Variants in LMNA observed in about 807,000 individuals in gnomAD.
The protein encoded by LMNA is lamin A/C.
In LMNA, 20 loss-of-function variants were observed where a neutral mutation model predicts 70.4. The observed-to-expected ratio is 0.28, with a 90% CI of 0.20 to 0.41. The LOEUF is 0.41. LMNA is among the 10% of genes least tolerant of loss of function. LMNA has a pLI of 1.00. For missense variants in LMNA, 652 were observed against 917.2 expected (o/e 0.71, Z 3.73); for synonymous variants, 339 against 372.8 (o/e 0.91, Z 1.04).
chr1:156,120,929 T>C (rs1323099780), intron 1 of LMNA, among the ~76,000 whole-genome samples: 2 of 152,068 alleles, frequency 1.3e-5, no homozygotes, highest in Non-Finnish European at 2.9e-5. Flanking sequence ...AGCTGTGCCT[T>C]TTGGCAGACC....
At chr1:156,128,371 C>T (rs1435039972) in intron 1 of LMNA, among the ~76,000 whole-genome samples, 1 of 152,164 alleles carries the variant, frequency 6.6e-6, no homozygotes, top group African/African-American at 2.4e-5. Flanking sequence ...TCAGTGTCTG[C>T]CAGGCACTGG....
In LMNA at chr1:156,100,906, C is replaced by T. The variant is rs569460687; in HGVS notation, c.-207+10324C>T. On this transcript the variant is annotated intron_variant, in intron 3 of 12. Transcript: ENST00000368301. ...ACAGTGTGACAAGGGATACTGGTGG[C>T]GAGTGGGGACATTTAATCCAGACTT... is the stretch of plus-strand genomic sequence containing the variant. 9.9e-5 allele frequency among the ~76,000 whole-genome samples: 15 copies of T among 152,166 alleles called. No individual in the cohort carries two copies. The South Asian group carries it at 1.9e-3, about 19-fold the overall frequency.
intron 1 of LMNA, among the ~76,000 whole-genome samples, chr1:156,129,038 C>T (rs1356405673): frequency 6.6e-6 from 1 of 152,258 alleles, no homozygotes; most frequent in East Asian, 1.9e-4. Flanking sequence ...GGGGCTAGGC[C>T]GGATGGCAGC....
intron 1 of LMNA, chr1:156,126,774 AGCCCTTCTCGCCTCAAGAG>A: frequency 2.5e-6 from 4 of 1,593,386 alleles, no homozygotes; most frequent in Non-Finnish European, 3.4e-6. Context: ...CAGGATGCCC[AGCCCTTCTCGCCTCAAGAG>A]GCCACTGGGA....
intron 1 of LMNA, among the ~76,000 whole-genome samples, chr1:156,121,346 G>T (rs942055160): frequency 2.0e-5 from 3 of 151,984 alleles, no homozygotes; most frequent in Non-Finnish European, 2.9e-5. Flanking sequence ...CCAAATCCAC[G>T]TTCTGATTCA....
chr1:156,138,713 G>A lies in LMNA; in HGVS notation c.1924G>A (p.Val642Ile), dbSNP rs551309521. Residue 642 changes from valine to isoleucine, a missense_variant, in exon 11 of 12, where the codon GTC becomes ATC. Around this residue, in one of 4 missense-constraint regions of LMNA, gnomAD observed 327 missense variants for 387.6 expected, o/e 0.84. Transcript: ENST00000368300. This position sits in a 1 kb window ranked among gnomAD's most constrained non-coding sequence, Gnocchi z 5.5. ...SGGGSFGDNL[V>I]TRSYLLGNSS... Reference sequence around the variant, plus strand: ...GGGTGGCAGCTTCGGGGACAATCTGGTCACCCGCTCCTACCTCCTGGGCAA... The same window carrying A: ...GGGTGGCAGCTTCGGGGACAATCTGATCACCCGCTCCTACCTCCTGGGCAA... The A allele has an allele frequency of 6.2e-7, 1 of 1,613,388 alleles. No homozygotes were observed. Among genetic ancestry groups the A allele is most frequent in the African/African-American group, 1.3e-5 (1 of 74,960 alleles).
intron 2 of LMNA, among the ~76,000 whole-genome samples, chr1:156,086,397 T>TCA (rs1558104945): frequency 6.8e-6 from 1 of 147,640 alleles, no homozygotes; most frequent in Admixed American, 6.6e-5. Context: ...CCTCTGACTC[T>TCA]CTCTCTCTCT....
Position 156,121,411 on chromosome 1 carries a change from C to T in LMNA, c.356+6137C>T, listed in dbSNP as rs1650179447. Among the ~76,000 whole-genome samples the T allele has an allele frequency of 2.0e-5, 3 of 152,114 alleles. No homozygotes were observed. The South Asian group carries it at 6.2e-4, about 32-fold the overall frequency. The stretch of plus-strand genomic sequence containing the variant: ...TGGGGGGTGAGAAGTACTTAAAAAG[C>T]CCAAGAGAAACAAAAGAGAGAATAA... On this transcript the variant is annotated intron_variant, in intron 1 of 11. Transcript: ENST00000368300.
intron 3 of LMNA, among the ~76,000 whole-genome samples, chr1:156,101,959 T>G (rs1406760975): frequency 1.3e-5 from 2 of 151,074 alleles, no homozygotes; most frequent in Non-Finnish European, 3.0e-5. Context: ...ATCCAAGGAG[T>G]GATGATGAGT....
In LMNA at chr1:156,091,977, GC is replaced by G. The variant is rs554699487; in HGVS notation, c.-207+1396del. 8.2e-4 allele frequency among the ~76,000 whole-genome samples: 124 copies of G among 152,076 alleles called. 2 individuals carry two copies. The East Asian group carries it at 0.023, about 29-fold the overall frequency. On this transcript the variant is annotated intron_variant, in intron 3 of 12. Transcript: ENST00000368301. ...TTGTTGCCCAGGCTGGAGTGCAGTG[GC>G]ATGATTTTGGCTCACTGCAACCTCC...
chr1:156,098,985 A>G (rs900676139), intron 3 of LMNA, among the ~76,000 whole-genome samples: 8 of 152,230 alleles, frequency 5.3e-5, no homozygotes, highest in African/African-American at 1.4e-4. Flanking sequence ...TGGCTTTCTA[A>G]TCGGGCTTAA....
In LMNA at chr1:156,103,952, A is replaced by G. The variant is rs1457925398; in HGVS notation, c.-206-10761A>G. ...CGAACCCGGCCTCAGTTCCTGGGAC[A>G]TCCTGGCTCCATTCTTCAGCACACC... On this transcript the variant is annotated intron_variant, in intron 3 of 12. Transcript: ENST00000368301. This position sits in a 1 kb window ranked among gnomAD's most constrained non-coding sequence, Gnocchi z 4.7. Among the ~76,000 whole-genome samples, 1 of 152,094 alleles carries G rather than the reference A, an allele frequency of 6.6e-6. No individual in the cohort carries two copies. Among genetic ancestry groups the G allele is most frequent in the Admixed American group, 6.5e-5 (1 of 15,270 alleles).
upstream of LMNA, among the ~76,000 whole-genome samples, chr1:156,113,166 TG>T (rs1182946170): frequency 2.0e-5 from 3 of 151,960 alleles, no homozygotes; most frequent in African/African-American, 7.3e-5. Context: ...TAGCTGGGCT[TG>T]GTGGCAGGTG....
chr1:156,094,558 C>T (rs1648840693), intron 3 of LMNA, among the ~76,000 whole-genome samples: 1 of 152,074 alleles, frequency 6.6e-6, no homozygotes, highest in Non-Finnish European at 1.5e-5. Flanking sequence ...AGGGCTTTGG[C>T]CTGTGCTATC....
chr1:156,100,492 T>C (rs563809912), intron 3 of LMNA, among the ~76,000 whole-genome samples: 22 of 152,070 alleles, frequency 1.4e-4, no homozygotes, highest in Non-Finnish European at 2.2e-4. Flanking sequence ...TCCTGACACA[T>C]GGTGAGTGCT....
upstream of LMNA, chr1:156,109,656 G>A (rs1649463662): frequency 6.6e-6 from 1 of 152,202 alleles, no homozygotes; most frequent in South Asian, 2.1e-4. Flanking sequence ...CATCTGCAAA[G>A]CAGGGAAATA....
chr1:156,093,109 G>A (rs555067546), intron 3 of LMNA, among the ~76,000 whole-genome samples: 24 of 151,236 alleles, frequency 1.6e-4, no homozygotes, highest in Middle Eastern at 3.4e-3. Context: ...AGGCTGGTTC[G>A]AACTCCTGAC....
chr1:156,103,977 C>T lies in LMNA; in HGVS notation c.-206-10736C>T, dbSNP rs1649231670. Among the ~76,000 whole-genome samples the T allele has an allele frequency of 6.6e-6, 1 of 152,204 alleles. No homozygotes were observed. The highest frequency in any genetic ancestry group is 1.5e-5 in the Non-Finnish European group (1 of 68,028). On this transcript the variant is annotated intron_variant, in intron 3 of 12. Coordinates refer to the LMNA transcript ENST00000368301. The surrounding 1 kb of genome is among the most constrained non-coding windows in gnomAD (Gnocchi z 4.7). ...ATCCTGGCTCCATTCTTCAGCACAC[C>T]CTCCCTCATCATATCCACACTCCTT... is the stretch of plus-strand genomic sequence containing the variant.
In LMNA at chr1:156,103,408, C is replaced by T. The variant is rs544405224; in HGVS notation, c.-206-11305C>T. On this transcript the variant is annotated intron_variant, in intron 3 of 12. Transcript: ENST00000368301. The surrounding 1 kb of genome is among the most constrained non-coding windows in gnomAD (Gnocchi z 4.7). ...GCCCCTCTTGTGTGCTGGGCCCTCG[C>T]ACTTCCTCTGTCTGGGACTCCTCTA... is the stretch of plus-strand genomic sequence containing the variant. Among the ~76,000 whole-genome samples the T allele has an allele frequency of 8.5e-5, 13 of 152,252 alleles. No homozygotes were observed. In the South Asian group the frequency reaches 2.7e-3, roughly 32 times the overall value.
Sources: allele counts gnomAD v4.1 joint callset (sites outside exome capture counted in the v4.1 genomes callset), GRCh38; gene constraint gnomAD v4.1.1; regional missense constraint gnomAD v4.1.1; non-coding constraint Gnocchi (gnomAD v3.1); transcripts MANE v1.5; gene names NCBI Gene and HGNC (gene_info 2026-07-23, HGNC 2026-07-21).